Variants in NEGR1 observed in about 807,000 individuals in gnomAD.
The protein encoded by NEGR1 is neuronal growth regulator 1, also known as IgLON family member 4.
NEGR1 carries 10 observed loss-of-function variants against 40.9 expected under a neutral mutation model. The observed-to-expected ratio is 0.24, with a 90% CI of 0.15 to 0.42. NEGR1 has a LOEUF of 0.42. NEGR1 is among the 10% of genes least tolerant of loss of function. The pLI is 1.00. For synonymous variants in NEGR1, 185 were observed against 166.8 expected (o/e 1.11, Z -0.84); for missense variants, 352 against 438.9 (o/e 0.80, Z 1.77).
intron 5 of NEGR1, among the ~76,000 whole-genome samples, chr1:71,597,997 A>T (rs762242912): frequency 6.6e-6 from 1 of 152,194 alleles, no homozygotes. Context: ...AACTTTAAGC[A>T]TGTTGAAATG....
At chr1:71,880,466 G>T (rs1324160493) in intron 2 of NEGR1, among the ~76,000 whole-genome samples, 1 of 151,978 alleles carries the variant, frequency 6.6e-6, no homozygotes, top group Non-Finnish European at 1.5e-5. Context: ...CAGGAACAAA[G>T]ATTCTTTGTG....
intron 1 of NEGR1, among the ~76,000 whole-genome samples, chr1:71,992,933 A>G (rs917132168): frequency 6.6e-6 from 1 of 152,246 alleles, no homozygotes; most frequent in Non-Finnish European, 1.5e-5. Context: ...AATAAGGATG[A>G]CTAAGGAAAT....
chr1:72,138,253 G>T (rs563324903), intron 1 of NEGR1, among the ~76,000 whole-genome samples: 1 of 149,944 alleles, frequency 6.7e-6, no homozygotes, highest in South Asian at 2.3e-4. Flanking sequence ...CAATTAAAAT[G>T]TAACAATAAA....
chr1:72,166,864 G>GTA lies in NEGR1; in HGVS notation c.176+115453_176+115454dup, dbSNP rs534305128. ...TCCTATGCATACATGTAGTATTTGT[G>GTA]TATATATATATACACAATTATAATT... On this transcript the variant is annotated intron_variant, in intron 1 of 6. Coordinates refer to ENST00000357731, the MANE Select transcript of NEGR1 (RefSeq NM_173808.3). Among the ~76,000 whole-genome samples the GTA allele has an allele frequency of 6.3e-3, 957 of 151,660 alleles. 9 individuals are homozygous for GTA. The highest frequency in any genetic ancestry group is 0.058 in the Middle Eastern group (17 of 294).
At chr1:71,556,011 A>G (rs1325280193) in intron 6 of NEGR1, among the ~76,000 whole-genome samples, 2 of 151,480 alleles carry the variant, frequency 1.3e-5, no homozygotes, top group Non-Finnish European at 3.0e-5. Flanking sequence ...AAATATGAAT[A>G]TACTTGCCAC....
intron 1 of NEGR1, among the ~76,000 whole-genome samples, chr1:72,014,844 G>T (rs1022849651): frequency 6.6e-6 from 1 of 151,626 alleles, no homozygotes; most frequent in Non-Finnish European, 1.5e-5. Context: ...GGTCTTCAAT[G>T]TAACAATAAT....
chr1:72,231,221 C>T (rs1009466712), intron 1 of NEGR1, among the ~76,000 whole-genome samples: 2 of 152,182 alleles, frequency 1.3e-5, no homozygotes, highest in Non-Finnish European at 1.5e-5. Flanking sequence ...GCTTCCATAG[C>T]TTCTTTGCCA....
chr1:71,720,639 T>C (rs996603061), intron 3 of NEGR1, among the ~76,000 whole-genome samples: 1 of 152,324 alleles, frequency 6.6e-6, no homozygotes, highest in East Asian at 1.9e-4. Flanking sequence ...AGCAAATTAC[T>C]TGGCCTCATT....
At chr1:71,783,055 A>G (rs1656773619) in intron 2 of NEGR1, among the ~76,000 whole-genome samples, 1 of 151,846 alleles carries the variant, frequency 6.6e-6, no homozygotes, top group African/African-American at 2.4e-5. Flanking sequence ...CTCTAATAGT[A>G]TGTATGTGCA....
At chr1:72,029,209 G>C (rs970758572) in intron 1 of NEGR1, among the ~76,000 whole-genome samples, 2 of 152,168 alleles carry the variant, frequency 1.3e-5, no homozygotes, top group African/African-American at 4.8e-5. Context: ...GGCTGGACAT[G>C]GTGGCTTGCG....
chr1:71,779,823 C>G (rs901395106), intron 2 of NEGR1, among the ~76,000 whole-genome samples: 1 of 151,984 alleles, frequency 6.6e-6, no homozygotes, highest in Admixed American at 6.6e-5. Flanking sequence ...CCTGCCTCTG[C>G]CTCCCAAAGT....
At chr1:71,476,146 C>T (rs1165076358) in intron 6 of NEGR1, among the ~76,000 whole-genome samples, 2 of 152,026 alleles carry the variant, frequency 1.3e-5, no homozygotes, top group Non-Finnish European at 1.5e-5. Context: ...TTAATCTCAT[C>T]AATCTTTCCT....
At chr1:72,151,893 T>G (rs1185519482) in intron 1 of NEGR1, among the ~76,000 whole-genome samples, 2 of 151,834 alleles carry the variant, frequency 1.3e-5, no homozygotes, top group Non-Finnish European at 3.0e-5. Context: ...ATTGTATACA[T>G]AAAATTAACA....
At chr1:71,882,726 G>GAAAAA (rs199916045) in intron 2 of NEGR1, among the ~76,000 whole-genome samples, 2 of 120,310 alleles carry the variant, frequency 1.7e-5, no homozygotes, top group South Asian at 2.6e-4. Flanking sequence ...ATCGTCTTCA[G>GAAAAA]AAAAAAAAAA....
chr1:71,566,008 C>T (rs142799520), intron 6 of NEGR1, among the ~76,000 whole-genome samples: 1,942 of 151,980 alleles, frequency 0.013, 11 homozygotes, highest in African/African-American at 0.017. Context: ...TATGTTGCCA[C>T]GAGCCAAGGG....
chr1:71,987,631 T>G (rs767675661), intron 1 of NEGR1, among the ~76,000 whole-genome samples: 1 of 152,142 alleles, frequency 6.6e-6, no homozygotes, highest in South Asian at 2.1e-4. Context: ...TTGGAGAAGA[T>G]ATCACAGAAG....
intron 3 of NEGR1, among the ~76,000 whole-genome samples, chr1:71,754,198 C>T (rs375910116): frequency 6.6e-6 from 1 of 152,132 alleles, no homozygotes; most frequent in African/African-American, 2.4e-5. Flanking sequence ...CACACAGTAC[C>T]CACCTCAGAG....
intron 2 of NEGR1, among the ~76,000 whole-genome samples, chr1:71,796,530 A>T (rs1396202044): frequency 6.6e-6 from 1 of 152,194 alleles, no homozygotes; most frequent in African/African-American, 2.4e-5. Context: ...AGCGAGCTGG[A>T]TGCGGCATAG....
intron 1 of NEGR1, among the ~76,000 whole-genome samples, chr1:71,966,980 A>C (rs1646214951): frequency 6.6e-6 from 1 of 152,170 alleles, no homozygotes; most frequent in African/African-American, 2.4e-5. Flanking sequence ...CTATAATTTT[A>C]TATTCAGTAG....
Sources: allele counts gnomAD v4.1 joint callset (sites outside exome capture counted in the v4.1 genomes callset), GRCh38; gene constraint gnomAD v4.1.1; transcripts MANE v1.5; gene names NCBI Gene and HGNC (gene_info 2026-07-23, HGNC 2026-07-21).